Variants in SF1 observed in about 807,000 individuals in gnomAD.
SF1 encodes branch point-binding protein.
SF1 carries 7 observed loss-of-function variants against 62.5 expected under a neutral mutation model. The observed-to-expected ratio is 0.11, with a 90% confidence interval of 0.06 to 0.21. The LOEUF (loss-of-function observed/expected upper bound fraction) is 0.21. SF1 is among the 10% of genes least tolerant of loss of function. The pLI is 1.00. For missense variants in SF1, 578 were observed against 884.0 expected (o/e 0.65, Z 4.39); for synonymous variants, 394 against 323.6 (o/e 1.22, Z -2.33).
chr11:64,775,731 G>A (rs1156398392), intron 2 of SF1, among the ~76,000 whole-genome samples: 2 of 152,116 alleles, frequency 1.3e-5, no homozygotes, highest in African/African-American at 4.8e-5. Context: ...GATAAAACTT[G>A]CATTAAAAAC....
Position 64,767,238 on chromosome 11 carries a change from T to G in SF1, c.1356A>C (p.Gly452=). 6.2e-7 allele frequency: 1 copy of G among 1,614,034 alleles called. No homozygotes were observed. ...AGACCCCAGAGCCCACAGGCGTACT[T>G]CCCAGGTACTGATCTTGATGGAAGG... The part of the protein sequence containing the change: ...HGPPPMDQYL[G]STPVGSGVYR... Residue 452 remains glycine, a synonymous_variant, in exon 11 of 13, where the codon GGA becomes GGC. Transcript: ENST00000377390.
At chr11:64,777,860 G>C (rs1371457976) in intron 1 of SF1, 1 of 931,342 alleles carries the variant, frequency 1.1e-6, no homozygotes, top group Admixed American at 6.9e-5. Flanking sequence ...GGGCGCCTCC[G>C]CCCGGGCCTC....
rs71583707 is a variant in SF1, at chr11:64,769,361, T to G, written c.664-23A>C. ...TATCTAGTGAAAATGCAATGGACAG[T>G]TAAGTGCTTAGGGCCTCCACCTAGG... On this transcript the variant is annotated intron_variant, in intron 6 of 12. Coordinates refer to ENST00000377390, the MANE Select transcript of SF1 (RefSeq NM_004630.4). The G allele has an allele frequency of 1.2e-3, 1,953 of 1,613,804 alleles. 5 individuals are homozygous for G. Among genetic ancestry groups the G allele is most frequent in the Middle Eastern group, 0.01 (63 of 6,058 alleles).
intron 1 of SF1, among the ~76,000 whole-genome samples, chr11:64,776,862 G>A (rs1426371683): frequency 2.0e-5 from 3 of 152,162 alleles, no homozygotes; most frequent in African/African-American, 7.2e-5. Context: ...ACCTTCTTTT[G>A]TCTAGAAAAA....
intron 1 of SF1, chr11:64,778,094 T>G (rs1414388140): frequency 2.2e-6 from 2 of 918,400 alleles, no homozygotes; most frequent in Non-Finnish European, 2.6e-6. Context: ...AGGGGGCGGC[T>G]GCGGCGGCGG....
At chr11:64,773,307 G>A (rs1938615074) in intron 3 of SF1, 123 bp downstream of exon 3, 3 of 1,474,476 alleles carry the variant, frequency 2.0e-6, no homozygotes, top group South Asian at 1.4e-5. Context: ...AATCCCCAAA[G>A]TGGTCAGGGT....
chr11:64,772,511 T>A (rs1349549862), intron 3 of SF1: 2 of 985,030 alleles, frequency 2.0e-6, no homozygotes, highest in Non-Finnish European at 2.4e-6. Context: ...CTAAAGCCAT[T>A]ACATCATCTT....
chr11:64,766,839 G>A, intron 12 of SF1, 61 bp downstream of exon 12: 1 of 1,319,358 alleles, frequency 7.6e-7, no homozygotes, highest in Non-Finnish European at 1.0e-6. Flanking sequence ...GAGGCTCTAT[G>A]GTTCCTGTCA....
rs895089737 is a variant in SF1 at position 64,765,759 on chromosome 11, C to T, written c.*59G>A. ...TCTGGCTCCATATGGTGAGGTTCGG[C>T]GTGTTTAAACGAGACCAATTCTCTC... On this transcript the variant is annotated 3_prime_UTR_variant, in exon 13 of 13. Transcript: ENST00000377390. 69 of 1,482,808 alleles carry T rather than the reference C, an allele frequency of 4.7e-5. No homozygotes were observed. Among genetic ancestry groups the T allele is most frequent in the Non-Finnish European group, 5.7e-5 (64 of 1,118,158 alleles). 91.9% of individuals were successfully genotyped at this position (1,482,808 alleles called of 1,614,324 possible). A position where few individuals can be genotyped will look rare whatever the true frequency, so the allele number is the denominator to read the frequency against.
intron 2 of SF1, 43 bp downstream of exon 2, chr11:64,776,455 G>T (rs530657239): frequency 1.9e-6 from 3 of 1,558,346 alleles, no homozygotes; most frequent in East Asian, 2.3e-5. Flanking sequence ...AGAATAAATC[G>T]TAACAATCTC....
At chr11:64,767,116 A>G in intron 11 of SF1, 37 bp from the exon 12 acceptor site, 1 of 1,610,266 alleles carries the variant, frequency 6.2e-7, no homozygotes, top group Non-Finnish European at 8.5e-7. Flanking sequence ...GGCCTCAGGG[A>G]AAGGCGGGGA....
chr11:64,778,043 G>T, intron 1 of SF1: 2 of 1,011,058 alleles, frequency 2.0e-6, no homozygotes, highest in African/African-American at 3.5e-5. Flanking sequence ...CTGGGGTGGC[G>T]GCGGCTGCGG....
At chr11:64,773,229 C>T (rs1226652310) in intron 3 of SF1, 2 of 1,380,966 alleles carry the variant, frequency 1.4e-6, no homozygotes, top group African/African-American at 1.5e-5. Context: ...TTTATTCTCC[C>T]AACATTTTTA....
chr11:64,778,087 G>GGGCGGCTGC lies in SF1; in HGVS notation c.31+266_31+274dup, dbSNP rs1387867786. The stretch of plus-strand genomic sequence containing the variant: ...CGCGCTGGTAGAGCGGCGGCGGAGG[G>GGGCGGCTGC]GGCGGCTGCGGCGGCGGGTACGAGG... On this transcript the variant is annotated intron_variant, in intron 1 of 12. Transcript: ENST00000377390. 6.7e-5 allele frequency: 63 copies of GGGCGGCTGC among 942,852 alleles called. 1 individual carries two copies. In the Admixed American group the frequency reaches 3.7e-3, roughly 55 times the overall value. The allele number at this position is 942,852 out of a possible 1,614,324, so 58.4% of individuals were successfully genotyped here.
intron 9 of SF1, 126 bp from the exon 10 acceptor site, chr11:64,767,970 T>C (rs917607627): frequency 3.4e-6 from 5 of 1,451,066 alleles, no homozygotes; most frequent in Non-Finnish European, 4.6e-6. Flanking sequence ...GTCCCCAAAC[T>C]GGCCTGAGAT....
chr11:64,776,400 A>G, intron 2 of SF1, 98 bp downstream of exon 2: 1 of 1,352,460 alleles, frequency 7.4e-7, no homozygotes, highest in Non-Finnish European at 1.1e-6. Flanking sequence ...CATCTCAAAA[A>G]AGATAACTAC....
At position 64,765,549 on chromosome 11, in the gene SF1, G is replaced by T; in HGVS notation, c.*269C>A. On this transcript the variant is annotated 3_prime_UTR_variant, in exon 13 of 13. Coordinates refer to ENST00000377390, the MANE Select transcript of SF1 (RefSeq NM_004630.4). The stretch of plus-strand genomic sequence containing the variant: ...GGCCCGGTTTGGGGAGAGGCAAAGG[G>T]AGTTGGGTGAGGAGAGAAAGAAGAC... 6.3e-7 allele frequency: 1 copy of T among 1,591,204 alleles called. No homozygotes were observed.
intron 3 of SF1, 47 bp downstream of exon 3, chr11:64,773,382 GA>G (rs1320437291): frequency 2.5e-6 from 4 of 1,601,832 alleles, no homozygotes; most frequent in Non-Finnish European, 2.6e-6. Context: ...AACGTATTGA[GA>G]AAAAGGTAAA....
At chr11:64,771,501 G>C (rs1245632420) in intron 3 of SF1, 2 of 985,392 alleles carry the variant, frequency 2.0e-6, no homozygotes, top group Non-Finnish European at 2.4e-6. Flanking sequence ...TAGTTGGAGA[G>C]CAAGGACTGA....
Sources: gnomAD v4.1 joint callset for allele counts (sites outside exome capture counted in the v4.1 genomes callset) on GRCh38, gnomAD v4.1.1 for gene constraint, MANE v1.5 for transcripts, NCBI Gene and HGNC (gene_info 2026-07-23, HGNC 2026-07-21) for gene names.